The following IL6ST variants were observed in gnomAD, a reference collection of about 807,000 sequenced individuals.
IL6ST encodes interleukin 6 cytokine family signal transducer.
A neutral mutation model predicts 91.3 loss-of-function variants in IL6ST; 24 were observed. That is an observed-to-expected ratio of 0.26 (90% CI 0.19 to 0.37). IL6ST has a LOEUF of 0.37. Ranked by LOEUF, IL6ST falls within the 10% of genes least tolerant of loss-of-function variation. IL6ST has a pLI of 1.00. For synonymous variants in IL6ST, 351 were observed against 373.6 expected (o/e 0.94, Z 0.70); for missense variants, 914 against 1,078.5 (o/e 0.85, Z 2.14).
chr5:55,955,966 T>C (rs1751932446), intron 10 of IL6ST, 59 bp downstream of exon 10: 2 of 1,108,034 alleles, frequency 1.8e-6, no homozygotes, highest in Non-Finnish European at 2.8e-6. Flanking sequence ...GGGAGCCCTG[T>C]CCATACCTAA....
At chr5:55,980,614 G>T (rs1753602278) in intron 2 of IL6ST, among the ~76,000 whole-genome samples, 1 of 151,994 alleles carries the variant, frequency 6.6e-6, no homozygotes, top group South Asian at 2.1e-4. Context: ...TCACCAACTG[G>T]GTGACAGTTC....
chr5:55,959,754 G>A (rs578231164), intron 8 of IL6ST: 63 of 587,960 alleles, frequency 1.1e-4, no homozygotes, highest in Non-Finnish European at 1.4e-4. Context: ...GCTAGACAGT[G>A]TGGTTTTAAT....
chr5:55,978,858 AAAC>A (rs1180579175), intron 2 of IL6ST, among the ~76,000 whole-genome samples: 1 of 151,638 alleles, frequency 6.6e-6, no homozygotes, highest in Non-Finnish European at 1.5e-5. Context: ...TTAGACCTTA[AAAC>A]AAACAAAATC....
chr5:55,942,603 G>A, intron 16 of IL6ST, 67 bp downstream of exon 16: 1 of 791,182 alleles, frequency 1.3e-6, no homozygotes, highest in Non-Finnish European at 2.2e-6. Context: ...CCTACTAACT[G>A]TAGATACTCA....
At chr5:55,964,533 A>G (rs565256021) in intron 5 of IL6ST, among the ~76,000 whole-genome samples, 2 of 152,326 alleles carry the variant, frequency 1.3e-5, no homozygotes, top group East Asian at 3.9e-4. Flanking sequence ...TTTGTAGTCT[A>G]AAAATATTGT....
chr5:55,977,437 A>G (rs1317829134), intron 2 of IL6ST, among the ~76,000 whole-genome samples: 7 of 152,142 alleles, frequency 4.6e-5, no homozygotes, highest in Non-Finnish European at 8.8e-5. Flanking sequence ...AGGGTTGCCT[A>G]GGGCTGAGGT....
chr5:55,994,673 C>G (rs544600525), intron 1 of IL6ST, 111 bp downstream of exon 1: 195 of 152,368 alleles, frequency 1.3e-3, no homozygotes, highest in Middle Eastern at 3.4e-3. Context: ...TGACAAGTTC[C>G]GGGCGCTGCT....
At chr5:55,993,264 T>C (rs1754435773) in intron 1 of IL6ST, among the ~76,000 whole-genome samples, 2 of 152,232 alleles carry the variant, frequency 1.3e-5, no homozygotes, top group Admixed American at 1.3e-4. Flanking sequence ...ATGAGAAACG[T>C]GTCAACATGA....
chr5:55,979,350 T>C (rs1158021245), intron 2 of IL6ST, among the ~76,000 whole-genome samples: 2 of 152,196 alleles, frequency 1.3e-5, no homozygotes, highest in Non-Finnish European at 2.9e-5. Context: ...CAGTTGTTTT[T>C]TGTGAGGAAG....
chr5:55,960,905 A>G (rs1752271823), intron 7 of IL6ST, among the ~76,000 whole-genome samples: 2 of 152,102 alleles, frequency 1.3e-5, no homozygotes, highest in African/African-American at 4.8e-5. Flanking sequence ...TGCCAGGATT[A>G]CAGATGTGAG....
rs550693252 is a variant in IL6ST, at chr5:55,939,199, T to C, written c.*1883A>G. 1.3e-4 allele frequency: 28 copies of C among 214,568 alleles called. No homozygotes were observed. The highest frequency in any genetic ancestry group is 1.7e-4 in the Admixed American group (3 of 17,186). 13.3% of individuals were successfully genotyped at this position (214,568 alleles called of 1,614,324 possible). A position where few individuals can be genotyped will look rare whatever the true frequency, so the allele number is the denominator to read the frequency against. ...AGCCTTTGATGATCAACTTAAAAGC[T>C]GGAGATGTCATTATCTTGTTGTGTA... On this transcript the variant is annotated 3_prime_UTR_variant, in exon 17 of 17. Coordinates refer to ENST00000381298, the MANE Select transcript of IL6ST (RefSeq NM_002184.4).
intron 1 of IL6ST, among the ~76,000 whole-genome samples, chr5:55,992,821 T>A (rs1336311115): frequency 1.3e-5 from 2 of 152,206 alleles, no homozygotes; most frequent in African/African-American, 4.8e-5. Context: ...TTCCCTAATT[T>A]TAATATCTAC....
At chr5:55,984,284 T>C (rs1205716153) in intron 1 of IL6ST, among the ~76,000 whole-genome samples, 3 of 152,338 alleles carry the variant, frequency 2.0e-5, no homozygotes, top group Non-Finnish European at 4.4e-5. Flanking sequence ...ACAATATAAT[T>C]AAATTAATTT....
chr5:55,955,681 T>C (rs1751908817), intron 10 of IL6ST, among the ~76,000 whole-genome samples: 1 of 136,542 alleles, frequency 7.3e-6, no homozygotes, highest in African/African-American at 3.5e-5. Context: ...GTGATGGAAA[T>C]GTTCTTGCAT....
At chr5:55,990,616 T>TAA (rs990192802) in intron 1 of IL6ST, among the ~76,000 whole-genome samples, 3 of 152,222 alleles carry the variant, frequency 2.0e-5, no homozygotes, top group African/African-American at 7.2e-5. Flanking sequence ...GCTTGGATCT[T>TAA]TCTTTTAATT....
intron 11 of IL6ST, among the ~76,000 whole-genome samples, chr5:55,953,285 A>G (rs1465182361): frequency 6.6e-6 from 1 of 152,220 alleles, no homozygotes; most frequent in Non-Finnish European, 1.5e-5. Flanking sequence ...ATTCAATATT[A>G]CCAAAAAATG....
In IL6ST at chr5:55,939,582, T is replaced by G; in HGVS notation, c.*1500A>C. On this transcript the variant is annotated 3_prime_UTR_variant, in exon 17 of 17. Transcript: ENST00000381298. ...ATGCCTGGTTTCTGTAACTTAAATA[T>G]GGCATAAAAACCTGTTTCCTTTGAA... is the stretch of plus-strand genomic sequence containing the variant. The G allele has an allele frequency of 4.9e-6, 1 of 203,674 alleles. No homozygotes were observed. The highest frequency in any genetic ancestry group is 1.0e-5 in the Non-Finnish European group (1 of 99,166). 12.6% of individuals were successfully genotyped at this position (203,674 alleles called of 1,614,324 possible).
At chr5:55,967,669 C>T (rs948829540) in intron 5 of IL6ST, among the ~76,000 whole-genome samples, 18 of 151,914 alleles carry the variant, frequency 1.2e-4, no homozygotes, top group South Asian at 4.2e-4. Flanking sequence ...ATGATGCCCG[C>T]GATTCTCTCT....
chr5:55,991,044 C>T (rs1754296250), intron 1 of IL6ST, among the ~76,000 whole-genome samples: 2 of 152,152 alleles, frequency 1.3e-5, no homozygotes, highest in Non-Finnish European at 1.5e-5. Flanking sequence ...CTAGCTTCAT[C>T]CATGTCCCTA....
Sources: gnomAD v4.1 joint callset for allele counts (sites outside exome capture counted in the v4.1 genomes callset) on GRCh38, gnomAD v4.1.1 for gene constraint, MANE v1.5 for transcripts, NCBI Gene and HGNC (gene_info 2026-07-23, HGNC 2026-07-21) for gene names.